The following NAALADL2 variants were observed in gnomAD, a reference collection of about 807,000 sequenced individuals.
NAALADL2 encodes inactive N-acetylated-alpha-linked acidic dipeptidase-like protein 2.
In NAALADL2, 76 loss-of-function variants were observed where a neutral mutation model predicts 87.2. The ratio of observed to expected loss-of-function variants is 0.87; its 90% CI spans 0.72 to 1.05. The LOEUF (loss-of-function observed/expected upper bound fraction) is 1.05. Among genes scored for constraint, NAALADL2 ranks in the 50% least tolerant of loss-of-function variants. The pLI is 0.00. For missense variants in NAALADL2, 1,089 were observed against 945.8 expected (o/e 1.15, Z -1.99); for synonymous variants, 354 against 331.0 (o/e 1.07, Z -0.75).
intron 1 of NAALADL2, among the ~76,000 whole-genome samples, chr3:175,094,757 A>AGTGTGTGTGT (rs369083345): frequency 0.022 from 2,730 of 125,962 alleles, 46 homozygotes; most frequent in Admixed American, 0.033. Context: ...CAGACACTAT[A>AGTGTGTGTGT]GTGTGTGTGT....
intron 1 of NAALADL2, among the ~76,000 whole-genome samples, chr3:174,475,929 A>G (rs541242538): frequency 9.2e-5 from 14 of 152,198 alleles, no homozygotes; most frequent in African/African-American, 3.4e-4. Flanking sequence ...GTTAAAAGAT[A>G]CAAGGGATAA....
chr3:175,431,213 G>A (rs1430734024), intron 5 of NAALADL2, among the ~76,000 whole-genome samples: 2 of 152,010 alleles, frequency 1.3e-5, no homozygotes, highest in Non-Finnish European at 2.9e-5. Context: ...CCTGTCCTAT[G>A]ATCTGTTTGA....
chr3:175,147,506 G>A (rs1039524218), intron 2 of NAALADL2, among the ~76,000 whole-genome samples: 2 of 152,068 alleles, frequency 1.3e-5, no homozygotes, highest in Admixed American at 6.6e-5. Flanking sequence ...GGGCACCTAG[G>A]TTGATGATAT....
intron 11 of NAALADL2, among the ~76,000 whole-genome samples, chr3:175,701,660 G>A (rs1007335846): frequency 6.4e-4 from 98 of 151,998 alleles, no homozygotes; most frequent in African/African-American, 2.3e-3. Context: ...TGACACCAGT[G>A]CAGCTCTATA....
chr3:175,515,021 G>A (rs561377518), intron 9 of NAALADL2, among the ~76,000 whole-genome samples: 1 of 152,260 alleles, frequency 6.6e-6, no homozygotes, highest in South Asian at 2.1e-4. Context: ...ATGGTAGCTT[G>A]TATCCCATTT....
chr3:175,438,571 G>T (rs1202490385), intron 5 of NAALADL2, among the ~76,000 whole-genome samples: 1 of 151,918 alleles, frequency 6.6e-6, no homozygotes, highest in African/African-American at 2.4e-5. Flanking sequence ...TAAAATCTCA[G>T]TTTTTTTCAG....
chr3:175,791,179 G>A (rs147971307), intron 13 of NAALADL2, among the ~76,000 whole-genome samples: 21 of 152,300 alleles, frequency 1.4e-4, no homozygotes, highest in Middle Eastern at 3.4e-3. Context: ...GCTATATAGC[G>A]GGGCAGCAAA....
At chr3:175,752,946 T>G (rs1311877236) in intron 12 of NAALADL2, among the ~76,000 whole-genome samples, 1 of 152,146 alleles carries the variant, frequency 6.6e-6, no homozygotes, top group African/African-American at 2.4e-5. Flanking sequence ...AGATATTCCC[T>G]TGAAGTTATC....
intron 8 of NAALADL2, among the ~76,000 whole-genome samples, chr3:175,468,474 G>A (rs77046188): frequency 1.7e-3 from 263 of 152,088 alleles, no homozygotes; most frequent in African/African-American, 6.2e-3. Flanking sequence ...GAATATGTTT[G>A]TAATCTATAC....
chr3:175,380,060 C>G (rs1381271478), intron 5 of NAALADL2, among the ~76,000 whole-genome samples: 2 of 151,870 alleles, frequency 1.3e-5, no homozygotes, highest in Admixed American at 1.3e-4. Flanking sequence ...GGGGTGTGGG[C>G]AGAGGGGAGA....
intron 11 of NAALADL2, among the ~76,000 whole-genome samples, chr3:175,685,562 G>A (rs998313816): frequency 6.6e-6 from 1 of 151,098 alleles, no homozygotes; most frequent in East Asian, 2.0e-4. Flanking sequence ...CAAGGAATTG[G>A]CTCACATGAC....
intron 9 of NAALADL2, among the ~76,000 whole-genome samples, chr3:175,477,673 T>C (rs1725891072): frequency 1.3e-5 from 2 of 152,128 alleles, no homozygotes; most frequent in African/African-American, 4.8e-5. Flanking sequence ...TAATATGCTT[T>C]TGCATATACA....
At chr3:175,766,235 G>A (rs995307337) in intron 13 of NAALADL2, among the ~76,000 whole-genome samples, 29 of 152,012 alleles carry the variant, frequency 1.9e-4, no homozygotes, top group African/African-American at 6.5e-4. Context: ...TCATGTTTCC[G>A]TAAATCTTAG....
At chr3:174,451,919 T>G (rs1715518547) in intron 1 of NAALADL2, among the ~76,000 whole-genome samples, 2 of 140,560 alleles carry the variant, frequency 1.4e-5, no homozygotes, top group Admixed American at 1.5e-4. Flanking sequence ...CTTGGCTTAC[T>G]GCAACCTCCG....
chr3:174,578,148 G>C (rs1296087375), intron 2 of NAALADL2, among the ~76,000 whole-genome samples: 2 of 151,958 alleles, frequency 1.3e-5, no homozygotes, highest in Non-Finnish European at 2.9e-5. Flanking sequence ...ACAATGCTAT[G>C]AGTCTAGCAT....
At chr3:174,522,933 C>CAAAAAAAAAAA (rs57653560) in intron 1 of NAALADL2, among the ~76,000 whole-genome samples, 1 of 75,838 alleles carries the variant, frequency 1.3e-5, no homozygotes, top group African/African-American at 4.7e-5. Flanking sequence ...GACTCTGTCT[C>CAAAAAAAAAAA]AAAAAAAAAA....
At chr3:174,591,487 A>G (rs556105092) in intron 2 of NAALADL2, among the ~76,000 whole-genome samples, 2 of 152,162 alleles carry the variant, frequency 1.3e-5, no homozygotes, top group African/African-American at 2.4e-5. Context: ...AAAACTTGTC[A>G]TTTGAAGTTG....
At chr3:174,823,675 T>C (rs539346612) in intron 3 of NAALADL2, among the ~76,000 whole-genome samples, 1 of 152,322 alleles carries the variant, frequency 6.6e-6, no homozygotes, top group African/African-American at 2.4e-5. Flanking sequence ...CTTAATATTC[T>C]CTGTAACATA....
intron 3 of NAALADL2, among the ~76,000 whole-genome samples, chr3:174,773,161 TG>T (rs1714791875): frequency 6.6e-6 from 1 of 152,134 alleles, no homozygotes; most frequent in African/African-American, 2.4e-5. Context: ...GGATGGGTCT[TG>T]AGAAGTCTAT....
Sources: allele counts gnomAD v4.1 joint callset (sites outside exome capture counted in the v4.1 genomes callset), GRCh38; gene constraint gnomAD v4.1.1; transcripts MANE v1.5; gene names NCBI Gene and HGNC (gene_info 2026-07-23, HGNC 2026-07-21).